The following LRBA variants were observed in gnomAD, a reference collection of about 807,000 sequenced individuals.
LRBA encodes the protein lipopolysaccharide-responsive and beige-like anchor protein.
A neutral mutation model predicts 330.0 loss-of-function variants in LRBA; 176 were observed. That is an observed-to-expected ratio of 0.53 (90% CI 0.47 to 0.60). The LOEUF is 0.60. LRBA is among the 20% of genes least tolerant of loss of function. The pLI is 0.00. For missense variants in LRBA, 3,259 were observed against 3,444.8 expected, an observed-to-expected ratio of 0.95 and a Z score of 1.35; for synonymous variants, 1,230 against 1,193.0, an observed-to-expected ratio of 1.03 and a Z score of -0.64.
intron 47 of LRBA, among the ~76,000 whole-genome samples, chr4:150,373,162 TGTGTGTGTGTGAGAGAGAGA>T (rs1740688193): frequency 6.9e-6 from 1 of 144,990 alleles, no homozygotes; most frequent in Admixed American, 7.3e-5. Flanking sequence ...TGTGTGTGTG[TGTGTGTGTGTGAGAGAGAGA>T]GAGAGAGAGA....
Position 150,749,101 on chromosome 4 carries a change from T to C in LRBA, c.5645+12682A>G, listed in dbSNP as rs1025857483. Among the ~76,000 whole-genome samples, 8 of 152,130 alleles carry C rather than the reference T, an allele frequency of 5.3e-5. No individual in the cohort carries two copies. In the East Asian group the frequency reaches 1.3e-3, roughly 26 times the overall value. On this transcript the variant is annotated intron_variant, in intron 35 of 56. Transcript: ENST00000651943. ...ACTAAGGCACTTACCTTACATCATA[T>C]ATAAAATTACCTCAAAATGGATCAA...
At chr4:150,343,410 A>T (rs1159676491) in intron 48 of LRBA, among the ~76,000 whole-genome samples, 3 of 152,218 alleles carry the variant, frequency 2.0e-5, no homozygotes, top group African/African-American at 7.2e-5. Flanking sequence ...CCCCATTAGA[A>T]TGTGAGCTCC....
intron 36 of LRBA, among the ~76,000 whole-genome samples, chr4:150,686,909 C>G (rs558919480): frequency 6.6e-6 from 1 of 152,142 alleles, no homozygotes; most frequent in Admixed American, 6.5e-5. Context: ...ATTCTAAAAA[C>G]AAGGGCTCAA....
Position 150,921,227 on chromosome 4 carries a change from A to C in LRBA, c.616T>G (p.Phe206Val), listed in dbSNP as rs1183818482. 5 of 1,612,178 alleles carry C rather than the reference A, an allele frequency of 3.1e-6. No homozygotes were observed. Among genetic ancestry groups the C allele is most frequent in the Admixed American group, 3.3e-5 (2 of 59,958 alleles). Reference protein sequence around the residue: ...HMPQKYGPDAFFNFPGKSAAA... With the variant: ...HMPQKYGPDAVFNFPGKSAAA... The stretch of plus-strand genomic sequence containing the variant: ...GCACTCTTTCCTGGAAAGTTAAAAA[A>C]GGCATCAGGACCATACTTCTGAGGC... The change falls in exon 5 of 57, where the codon TTT (phenylalanine) becomes GTT (valine). Residue 206 changes from phenylalanine (F) to valine (V), a missense_variant. Coordinates refer to ENST00000651943, the MANE Select transcript of LRBA (RefSeq NM_001364905.1).
chr4:150,687,911 C>T (rs1194133296), intron 36 of LRBA, among the ~76,000 whole-genome samples: 6 of 152,124 alleles, frequency 3.9e-5, no homozygotes, highest in African/African-American at 1.4e-4. Context: ...CTATCCCCAC[C>T]AACCTACCAA....
chr4:150,651,916 G>C (rs988796323), intron 37 of LRBA, among the ~76,000 whole-genome samples: 5 of 152,094 alleles, frequency 3.3e-5, no homozygotes, highest in African/African-American at 1.2e-4. Context: ...AAGCTAGAGT[G>C]CACTGGTGCC....
At chr4:150,512,611 A>T (rs2152138731) in intron 40 of LRBA, among the ~76,000 whole-genome samples, 1 of 151,958 alleles carries the variant, frequency 6.6e-6, no homozygotes, top group Non-Finnish European at 1.5e-5. Flanking sequence ...TCCTAATCTC[A>T]GACTTTCAGC....
intron 40 of LRBA, among the ~76,000 whole-genome samples, chr4:150,491,728 G>A (rs1758976019): frequency 6.6e-6 from 1 of 152,102 alleles, no homozygotes; most frequent in Admixed American, 6.5e-5. Context: ...TGCTTAAAAT[G>A]CTTTGCCAAT....
At chr4:150,920,555 A>T (rs532629425) in intron 5 of LRBA, among the ~76,000 whole-genome samples, 14 of 151,818 alleles carry the variant, frequency 9.2e-5, no homozygotes, top group South Asian at 2.1e-4. Flanking sequence ...ATCTCAAAAT[A>T]AAAAAAAAGT....
chr4:150,835,542 T>C (rs572181767), intron 28 of LRBA, among the ~76,000 whole-genome samples: 1 of 152,328 alleles, frequency 6.6e-6, no homozygotes, highest in South Asian at 2.1e-4. Flanking sequence ...GTTGGATTCC[T>C]AGGTATTTTA....
chr4:150,741,593 C>G (rs1731981801), intron 35 of LRBA, among the ~76,000 whole-genome samples: 1 of 151,848 alleles, frequency 6.6e-6, no homozygotes, highest in South Asian at 2.1e-4. Flanking sequence ...TTTACAATAG[C>G]CAAACACTAG....
intron 37 of LRBA, among the ~76,000 whole-genome samples, chr4:150,602,610 A>G (rs772062278): frequency 2.0e-5 from 3 of 152,142 alleles, no homozygotes; most frequent in Non-Finnish European, 4.4e-5. Context: ...TTGTCATTTT[A>G]AAACAGTATT....
chr4:150,741,595 AAAC>A (rs1731982686), intron 35 of LRBA, among the ~76,000 whole-genome samples: 1 of 152,214 alleles, frequency 6.6e-6, no homozygotes, highest in South Asian at 2.1e-4. Flanking sequence ...TACAATAGCC[AAAC>A]ACTAGCAACT....
chr4:150,443,847 T>TAAAAAAAAA (rs376721928), intron 44 of LRBA, among the ~76,000 whole-genome samples: 38 of 53,706 alleles, frequency 7.1e-4, no homozygotes, highest in East Asian at 2.7e-3. Flanking sequence ...AAAGTATAAT[T>TAAAAAAAAA]AAAAAAATAT....
At chr4:150,968,067 C>T (rs897398403) in intron 2 of LRBA, among the ~76,000 whole-genome samples, 1 of 147,542 alleles carries the variant, frequency 6.8e-6, no homozygotes, top group Non-Finnish European at 1.5e-5. Context: ...AGCAGTGGCG[C>T]GATTTCGGTT....
chr4:150,555,828 G>A (rs1042565144), intron 40 of LRBA, among the ~76,000 whole-genome samples: 2 of 149,948 alleles, frequency 1.3e-5, no homozygotes, highest in Non-Finnish European at 3.0e-5. Flanking sequence ...TTTGAGACAG[G>A]GTCTTCCTTT....
chr4:150,720,414 AG>A (rs1359205172), intron 36 of LRBA, among the ~76,000 whole-genome samples: 1 of 152,170 alleles, frequency 6.6e-6, no homozygotes, highest in Non-Finnish European at 1.5e-5. Flanking sequence ...AAAGTGACTA[AG>A]GAAAGAGGCT....
intron 46 of LRBA, among the ~76,000 whole-genome samples, chr4:150,430,589 G>A (rs1414502264): frequency 1.3e-5 from 2 of 152,024 alleles, no homozygotes; most frequent in Non-Finnish European, 2.9e-5. Flanking sequence ...GTCATATTTG[G>A]TGCTATATCA....
intron 37 of LRBA, among the ~76,000 whole-genome samples, chr4:150,639,801 ATATATGTGTGTGTGTG>A (rs1778404132): frequency 8.6e-4 from 4 of 4,660 alleles, no homozygotes; most frequent in Admixed American, 2.8e-3. Context: ...GTATATATAT[ATATATGTGTGTGTGTG>A]TGTATATATA....
Sources: allele counts gnomAD v4.1 joint callset (sites outside exome capture counted in the v4.1 genomes callset), GRCh38; gene constraint gnomAD v4.1.1; transcripts MANE v1.5; gene names NCBI Gene and HGNC (gene_info 2026-07-23, HGNC 2026-07-21).